The following DBF4 variants were observed in gnomAD, a reference collection of about 807,000 sequenced individuals.
The protein encoded by DBF4 is protein DBF4 homolog A.
Under a neutral mutation model 76.6 loss-of-function variants are expected in DBF4, and 25 were observed. That is an observed-to-expected ratio of 0.33 (90% CI 0.24 to 0.46). The LOEUF is 0.46. DBF4 is among the 20% of genes least tolerant of loss of function. DBF4 has a pLI of 1.00. For synonymous variants in DBF4, 213 were observed against 258.0 expected, an observed-to-expected ratio of 0.83 and a Z score of 1.67; for missense variants, 638 against 760.8, an observed-to-expected ratio of 0.84 and a Z score of 1.90.
In DBF4 at chr7:87,907,895, G is replaced by A; in HGVS notation, c.1757G>A (p.Arg586Lys). The A allele has an allele frequency of 6.2e-7, 1 of 1,613,078 alleles. No homozygotes were observed. Among genetic ancestry groups the A allele is most frequent in the Non-Finnish European group, 8.5e-7 (1 of 1,179,784 alleles). Residue 586 changes from arginine (R) to lysine (K), a missense_variant, in exon 12 of 12, where the codon AGA (arginine) becomes AAA (lysine). By Grantham distance (26) the Arg-to-Lys change is conservative. Transcript: ENST00000265728. Reference protein sequence around the residue: ...RKVKIILGRNRKENLEPNAEF... With the variant: ...RKVKIILGRNKKENLEPNAEF... ...GTGAAAATAATATTAGGACGAAATA[G>A]AAAAGAAAATCTGGAACCAAATGCT...
chr7:87,906,825 A>T (rs1021422482), intron 11 of DBF4, among the ~76,000 whole-genome samples: 1 of 152,214 alleles, frequency 6.6e-6, no homozygotes, highest in Non-Finnish European at 1.5e-5. Flanking sequence ...TGTTCAGAAT[A>T]ATGAAAGCAA....
intron 2 of DBF4, among the ~76,000 whole-genome samples, chr7:87,882,493 T>C (rs967572623): frequency 2.0e-5 from 3 of 152,218 alleles, no homozygotes; most frequent in Non-Finnish European, 4.4e-5. Context: ...TTAAGAACTT[T>C]TGTGCCTCAA....
At chr7:87,886,535 CAAA>C (rs11411808) in intron 3 of DBF4, among the ~76,000 whole-genome samples, 16 of 54,252 alleles carry the variant, frequency 2.9e-4, no homozygotes, top group African/African-American at 9.9e-4. Context: ...ACTTTGTCTC[CAAA>C]AAAAAAAAAA....
At chr7:87,894,096 A>G (rs1353597568) in intron 6 of DBF4, among the ~76,000 whole-genome samples, 1 of 152,240 alleles carries the variant, frequency 6.6e-6, no homozygotes, top group African/African-American at 2.4e-5. Context: ...TTTATGCCAT[A>G]ATGTTTAGTA....
At chr7:87,889,278 T>C (rs1449831744) in intron 6 of DBF4, among the ~76,000 whole-genome samples, 1 of 126,732 alleles carries the variant, frequency 7.9e-6, no homozygotes, top group African/African-American at 3.1e-5. Flanking sequence ...TCTTGAACAA[T>C]TTTTTTTTTT....
At position 87,885,055 on chromosome 7, in the gene DBF4, T is replaced by G. The variant is rs1839310394; in HGVS notation, c.296T>G (p.Leu99Trp). Residue 99 changes from leucine to tryptophan, a missense_variant, in exon 3 of 12, where the codon TTG (leucine) becomes TGG (tryptophan). Physicochemically the swap from Leu to Trp is moderately conservative, Grantham distance 61. Coordinates refer to ENST00000265728, the MANE Select transcript of DBF4 (RefSeq NM_006716.4). ...AAGGAAGCTAAATTTGCACAAACCT[T>G]GGGTCGAATTTCTCCTGTACCAAGT... ...NKKEAKFAQT[L>W]GRISPVPSPE... is the part of the protein sequence containing the mutation. 1 of 1,613,830 alleles carries G rather than the reference T, an allele frequency of 6.2e-7. No individual in the cohort carries two copies. Among genetic ancestry groups the G allele is most frequent in the Non-Finnish European group, 8.5e-7 (1 of 1,179,734 alleles).
At chr7:87,887,840 T>A (rs1447311764) in intron 5 of DBF4, 143 bp from the exon 6 acceptor site, 2 of 808,632 alleles carry the variant, frequency 2.5e-6, no homozygotes, top group Non-Finnish European at 3.6e-6. Context: ...AACATGAGTT[T>A]TAGAGGAGAC....
In DBF4 at chr7:87,908,263, T is replaced by C; in HGVS notation, c.*100T>C. On this transcript the variant is annotated 3_prime_UTR_variant, in exon 12 of 12. Coordinates refer to ENST00000265728, the MANE Select transcript of DBF4 (RefSeq NM_006716.4). ...TCTTAGGATTTTTTTACCAGCTTTG[T>C]TTACAGACCCAAATGTAAATATTAA... 1 of 1,181,854 alleles carries C rather than the reference T, an allele frequency of 8.5e-7. No homozygotes were observed. Among genetic ancestry groups the C allele is most frequent in the Non-Finnish European group, 1.1e-6 (1 of 894,598 alleles). The allele number at this position is 1,181,854 out of a possible 1,614,324, so 73.2% of individuals were successfully genotyped here. A position where few individuals can be genotyped will look rare whatever the true frequency, so the allele number is the denominator to read the frequency against.
chr7:87,898,571 C>A lies in DBF4; in HGVS notation c.680+1232C>A, dbSNP rs188900723. 1.0e-3 allele frequency among the ~76,000 whole-genome samples: 159 copies of A among 152,166 alleles called. 1 individual carries two copies. The highest frequency in any genetic ancestry group is 3.7e-3 in the African/African-American group (154 of 41,510). On this transcript the variant is annotated intron_variant, in intron 8 of 11. Coordinates refer to ENST00000265728, the MANE Select transcript of DBF4 (RefSeq NM_006716.4). ...CTTTGGGAGGCCGAGGCAGGCAGAT[C>A]ACGAGTTCAGGAGATGGAGACCATC...
rs985323636 is a variant in DBF4 at position 87,876,555 on chromosome 7, G to A, written c.-178G>A. 1.4e-4 allele frequency: 92 copies of A among 649,710 alleles called. No individual in the cohort carries two copies. In the East Asian group the frequency reaches 2.5e-3, roughly 18 times the overall value. 40.2% of individuals were successfully genotyped at this position (649,710 alleles called of 1,614,324 possible). A position where few individuals can be genotyped will look rare whatever the true frequency, so the allele number is the denominator to read the frequency against. Reference sequence around the variant, plus strand: ...GCGCCTTCCTCCTCCGCGCCTTGGAGCCGGATCCGGCCCCGGAAACCCGAC... The same window carrying A: ...GCGCCTTCCTCCTCCGCGCCTTGGAACCGGATCCGGCCCCGGAAACCCGAC... On this transcript the variant is annotated 5_prime_UTR_variant, in exon 1 of 12. Coordinates refer to ENST00000265728, the MANE Select transcript of DBF4 (RefSeq NM_006716.4).
At chr7:87,898,158 A>G (rs528724876) in intron 8 of DBF4, among the ~76,000 whole-genome samples, 5 of 152,260 alleles carry the variant, frequency 3.3e-5, no homozygotes, top group African/African-American at 1.2e-4. Context: ...TTTTCTTTCC[A>G]CTTATTCATT....
At position 87,900,808 on chromosome 7, in the gene DBF4, T is replaced by A; in HGVS notation, c.854T>A (p.Leu285His). Reference protein sequence around the residue: ...GDKYGGTSIQLQLKEKKKKGY... With the variant: ...GDKYGGTSIQHQLKEKKKKGY... ...AAGTATGGTGGAACCTCAATTCAAC[T>A]CCAGTTGAAAGAGAAGAAGAAAAAA... Residue 285 changes from leucine to histidine, a missense_variant, in exon 10 of 12, where the codon CTC becomes CAC. Physicochemically the swap from Leu to His is moderately conservative, Grantham distance 99. Coordinates refer to ENST00000265728, the MANE Select transcript of DBF4 (RefSeq NM_006716.4). The A allele has an allele frequency of 6.2e-7, 1 of 1,613,366 alleles. No individual in the cohort carries two copies. Among genetic ancestry groups the A allele is most frequent in the Non-Finnish European group, 8.5e-7 (1 of 1,179,692 alleles).
intron 6 of DBF4, among the ~76,000 whole-genome samples, chr7:87,894,991 G>C (rs1839598038): frequency 6.6e-6 from 1 of 151,950 alleles, no homozygotes; most frequent in East Asian, 1.9e-4. Context: ...CACCATTCCA[G>C]TTGACAATAA....
At chr7:87,880,669 G>T (rs2131040370) in intron 2 of DBF4, among the ~76,000 whole-genome samples, 1 of 151,764 alleles carries the variant, frequency 6.6e-6, no homozygotes, top group East Asian at 1.9e-4. Context: ...ACGTACTTTG[G>T]TTTCTATAAT....
chr7:87,903,689 CTTTTTTT>C (rs56740998), intron 10 of DBF4, among the ~76,000 whole-genome samples: 4,667 of 98,138 alleles, frequency 0.048, 111 homozygotes, highest in Middle Eastern at 0.12. Context: ...CTCTGTATCC[CTTTTTTT>C]TTTTTTTTTT....
chr7:87,881,519 G>A (rs1839213437), intron 2 of DBF4, among the ~76,000 whole-genome samples: 1 of 152,236 alleles, frequency 6.6e-6, no homozygotes, highest in Admixed American at 6.5e-5. Flanking sequence ...AACATAGAAT[G>A]TCAAGAGAAA....
Position 87,907,885 on chromosome 7 carries a change from G to T in DBF4, c.1747G>T (p.Gly583Ter). Residue 583 changes from glycine to a stop codon, truncating the protein, a stop_gained, in exon 12 of 12, where the codon GGA becomes TGA. Transcript: ENST00000265728. LOFTEE classifies it high-confidence loss of function. ...KIHRKVKIIL[G>*]RNRKENLEPN... ...ACATCGAAAAGTGAAAATAATATTA[G>T]GACGAAATAGAAAAGAAAATCTGGA... 1 of 1,613,222 alleles carries T rather than the reference G, an allele frequency of 6.2e-7. No individual in the cohort carries two copies. Among genetic ancestry groups the T allele is most frequent in the South Asian group, 1.1e-5 (1 of 90,790 alleles).
chr7:87,907,366 CTGTT>C lies in DBF4; in HGVS notation c.1230_1233del (p.Ile412GlnfsTer11). ...GACCCAGGAAACTGAAAAAAAGCTC[CTGTT>C]TATTTCAGAGCCCATCCCCCACCCT... On this transcript the variant is annotated frameshift_variant, in exon 12 of 12. Transcript: ENST00000265728. LOFTEE classifies it high-confidence loss of function. The C allele has an allele frequency of 6.2e-7, 1 of 1,613,930 alleles. No individual in the cohort carries two copies. The highest frequency in any genetic ancestry group is 1.3e-5 in the African/African-American group (1 of 75,006).
At chr7:87,895,677 G>A (rs1839616224) in intron 6 of DBF4, among the ~76,000 whole-genome samples, 1 of 152,144 alleles carries the variant, frequency 6.6e-6, no homozygotes, top group South Asian at 2.1e-4. Flanking sequence ...GGGAATTAGG[G>A]ATCCCTTTCT....
Sources: allele counts gnomAD v4.1 joint callset (sites outside exome capture counted in the v4.1 genomes callset), GRCh38; gene constraint gnomAD v4.1.1; transcripts MANE v1.5; gene names NCBI Gene and HGNC (gene_info 2026-07-23, HGNC 2026-07-21).